PLCB1: variants seen among roughly 807,000 people sequenced by gnomAD.
PLCB1 encodes the protein phospholipase C beta 1, also known as 1-phosphatidylinositol 4,5-bisphosphate phosphodiesterase beta-1.
In PLCB1, 46 loss-of-function variants were observed where a neutral mutation model predicts 161.8. The observed-to-expected ratio is 0.28, with a 90% CI of 0.22 to 0.36. The LOEUF (loss-of-function observed/expected upper bound fraction) is 0.36. Among genes scored for constraint, PLCB1 ranks in the 10% least tolerant of loss-of-function variants. The probability of loss-of-function intolerance (pLI) is 1.00; values close to 1 mark genes in which losing one functional copy is unlikely to be tolerated. For synonymous variants in PLCB1, 517 were observed against 503.7 expected, an observed-to-expected ratio of 1.03 and a Z score of -0.35; for missense variants, 1,016 against 1,472.5, an observed-to-expected ratio of 0.69 and a Z score of 5.07.
At position 8,760,471 on chromosome 20, in the gene PLCB1, C is replaced by T; in HGVS notation, c.2710+11C>T. ...AGAGTGTCTTAACAGGTAAATGCCA[C>T]CCTTTCCCCCCATGGAATTAAGCAG... is the stretch of plus-strand genomic sequence containing the variant. On this transcript the variant is annotated intron_variant, in intron 25 of 31. Transcript: ENST00000338037. 1 of 1,600,696 alleles carries T rather than the reference C, an allele frequency of 6.2e-7. No individual in the cohort carries two copies. The highest frequency in any genetic ancestry group is 1.3e-5 in the African/African-American group (1 of 74,744).
At chr20:8,795,144 G>A (rs1452421700) in intron 31 of PLCB1, among the ~76,000 whole-genome samples, 6 of 152,182 alleles carry the variant, frequency 3.9e-5, no homozygotes, top group African/African-American at 1.4e-4. Flanking sequence ...AATGTGGCCA[G>A]TCACACTGGA....
chr20:8,496,661 A>G (rs996365545), intron 3 of PLCB1, among the ~76,000 whole-genome samples: 6 of 152,176 alleles, frequency 3.9e-5, no homozygotes, highest in African/African-American at 1.2e-4. Flanking sequence ...CTTTTTTGGC[A>G]TGGAGTTGGC....
intron 2 of PLCB1, among the ~76,000 whole-genome samples, chr20:8,258,896 C>T (rs934701539): frequency 3.9e-5 from 6 of 152,082 alleles, no homozygotes; most frequent in African/African-American, 1.4e-4. Flanking sequence ...ATGTATCCAT[C>T]ACCAAAGTCA....
intron 31 of PLCB1, among the ~76,000 whole-genome samples, chr20:8,848,457 C>T (rs1434620467): frequency 7.2e-5 from 11 of 152,082 alleles, no homozygotes; most frequent in Admixed American, 7.2e-4. Flanking sequence ...TATTCTAAAT[C>T]TACTTATTAA....
chr20:8,539,809 G>C (rs1033932504), intron 3 of PLCB1, among the ~76,000 whole-genome samples: 1 of 92,126 alleles, frequency 1.1e-5, no homozygotes, highest in Non-Finnish European at 2.3e-5. Context: ...TCCATTTGTT[G>C]TTCTTTGTTT....
chr20:8,624,594 G>A (rs1213070002), intron 3 of PLCB1, among the ~76,000 whole-genome samples: 1 of 152,072 alleles, frequency 6.6e-6, no homozygotes, highest in East Asian at 1.9e-4. Context: ...ATGATATAAT[G>A]CAGTAACACA....
At chr20:8,879,259 A>T (rs987654636) in intron 31 of PLCB1, among the ~76,000 whole-genome samples, 2 of 151,762 alleles carry the variant, frequency 1.3e-5, no homozygotes, top group African/African-American at 4.9e-5. Context: ...TAGTGCTATG[A>T]TAAACATACA....
At chr20:8,653,683 C>A (rs574227317) in intron 7 of PLCB1, among the ~76,000 whole-genome samples, 19 of 151,962 alleles carry the variant, frequency 1.3e-4, no homozygotes, top group African/African-American at 4.1e-4. Context: ...TTTAAGTACC[C>A]ATTTCTCATA....
At chr20:8,168,655 G>A (rs191278199) in intron 2 of PLCB1, among the ~76,000 whole-genome samples, 5 of 152,214 alleles carry the variant, frequency 3.3e-5, no homozygotes, top group Admixed American at 3.3e-4. Context: ...AACAAGATAG[G>A]GAAACCTTAA....
intron 3 of PLCB1, among the ~76,000 whole-genome samples, chr20:8,586,210 C>G (rs1191094951): frequency 2.0e-5 from 3 of 152,208 alleles, no homozygotes. Flanking sequence ...GTTTCATCCT[C>G]AAATATCCCA....
intron 3 of PLCB1, among the ~76,000 whole-genome samples, chr20:8,498,061 G>A (rs1355630035): frequency 6.6e-6 from 1 of 151,912 alleles, no homozygotes. Flanking sequence ...TATTCCTATA[G>A]CCAATAGCCA....
At chr20:8,196,910 C>T (rs938431902) in intron 2 of PLCB1, among the ~76,000 whole-genome samples, 6 of 151,200 alleles carry the variant, frequency 4.0e-5, no homozygotes, top group African/African-American at 1.5e-4. Flanking sequence ...TGAGTGAGAA[C>T]ATGCGGTGTT....
intron 3 of PLCB1, among the ~76,000 whole-genome samples, chr20:8,585,744 C>G (rs913381112): frequency 1.3e-5 from 2 of 152,170 alleles, no homozygotes; most frequent in African/African-American, 4.8e-5. Context: ...TCCACTGTCT[C>G]CTAAATGTGA....
chr20:8,425,299 C>T (rs1285439365), intron 3 of PLCB1, among the ~76,000 whole-genome samples: 1 of 152,098 alleles, frequency 6.6e-6, no homozygotes, highest in East Asian at 1.9e-4. Flanking sequence ...CCATCTGCCG[C>T]ATAGAAAAGG....
At chr20:8,236,846 A>G (rs1312072281) in intron 2 of PLCB1, among the ~76,000 whole-genome samples, 1 of 152,050 alleles carries the variant, frequency 6.6e-6, no homozygotes, top group African/African-American at 2.4e-5. Context: ...CAAAGAAAGA[A>G]AGAAATGCAA....
At chr20:8,647,821 T>A (rs1989207959) in intron 5 of PLCB1, 79 bp from the exon 6 acceptor site, 4 of 1,117,282 alleles carry the variant, frequency 3.6e-6, no homozygotes, top group Non-Finnish European at 5.4e-6. Context: ...GCATGGGCTT[T>A]TTTGAGTGTA....
At position 8,881,910 on chromosome 20, in the gene PLCB1, A is replaced by G. The variant is rs934774169; in HGVS notation, c.*61A>G. The G allele has an allele frequency of 2.3e-5, 25 of 1,104,798 alleles. No individual in the cohort carries two copies. The highest frequency in any genetic ancestry group is 4.6e-4 in the Middle Eastern group (2 of 4,388). 68.4% of individuals were successfully genotyped at this position (1,104,798 alleles called of 1,614,324 possible). On this transcript the variant is annotated 3_prime_UTR_variant, in exon 32 of 32. Transcript: ENST00000338037. ...CTCCAGCGTCATCGGACTCTCTCTT[A>G]TTACAAAGATCACTGCCCAGGACCA... is the stretch of plus-strand genomic sequence containing the variant.
At chr20:8,662,536 AAT>A (rs1226928866) in intron 9 of PLCB1, among the ~76,000 whole-genome samples, 2 of 143,658 alleles carry the variant, frequency 1.4e-5, no homozygotes, top group African/African-American at 5.1e-5. Flanking sequence ...AATTATGTGT[AAT>A]ATATAATTAT....
At chr20:8,780,139 C>T (rs1344385046) in intron 27 of PLCB1, among the ~76,000 whole-genome samples, 1 of 152,092 alleles carries the variant, frequency 6.6e-6, no homozygotes, top group Non-Finnish European at 1.5e-5. Flanking sequence ...ACCTGTGTTT[C>T]GTCTATACCA....
Sources: allele counts gnomAD v4.1 joint callset (sites outside exome capture counted in the v4.1 genomes callset), GRCh38; gene constraint gnomAD v4.1.1; transcripts MANE v1.5; gene names NCBI Gene and HGNC (gene_info 2026-07-23, HGNC 2026-07-21).